The following DNAH9 variants were observed in gnomAD, a reference collection of about 807,000 sequenced individuals.
DNAH9 encodes the protein dynein axonemal heavy chain 9.
Under a neutral mutation model 471.6 loss-of-function variants are expected in DNAH9, and 345 were observed. The ratio of observed to expected loss-of-function variants is 0.73; its 90% CI spans 0.67 to 0.80. The LOEUF (loss-of-function observed/expected upper bound fraction) is 0.80, where lower values mean the gene tolerates loss of function less well. DNAH9 is among the 30% of genes least tolerant of loss of function. The pLI is 0.00. For synonymous variants in DNAH9, 2,093 were observed against 2,123.6 expected (o/e 0.99, Z 0.40); for missense variants, 5,407 against 5,609.2 (o/e 0.96, Z 1.15).
intron 14 of DNAH9, among the ~76,000 whole-genome samples, chr17:11,656,962 A>G (rs1463661558): frequency 7.5e-6 from 1 of 133,738 alleles, no homozygotes; most frequent in African/African-American, 2.7e-5. Flanking sequence ...GTATGAATAT[A>G]ACAGAATTCA....
At chr17:11,898,085 G>A (rs557378405) in intron 59 of DNAH9, among the ~76,000 whole-genome samples, 1 of 151,598 alleles carries the variant, frequency 6.6e-6, no homozygotes, top group African/African-American at 2.4e-5. Context: ...GCTGTCTTCT[G>A]TGTCCCTCTG....
intron 27 of DNAH9, among the ~76,000 whole-genome samples, chr17:11,722,016 G>A (rs2075068722): frequency 6.6e-6 from 1 of 152,110 alleles, no homozygotes; most frequent in Non-Finnish European, 1.5e-5. Flanking sequence ...TCTATGTGTG[G>A]CCAATATCTG....
chr17:11,611,429 C>T (rs2150641753), intron 3 of DNAH9, among the ~76,000 whole-genome samples: 1 of 152,352 alleles, frequency 6.6e-6, no homozygotes, highest in South Asian at 2.1e-4. Context: ...ATGGTCACAG[C>T]AGTGTTTCCT....
chr17:11,857,084 T>C (rs746248397), intron 50 of DNAH9, among the ~76,000 whole-genome samples: 3 of 152,150 alleles, frequency 2.0e-5, no homozygotes, highest in Non-Finnish European at 4.4e-5. Context: ...TTTCAGTCTC[T>C]TCCAGAAAAT....
At chr17:11,766,840 G>T (rs963452475) in intron 36 of DNAH9, among the ~76,000 whole-genome samples, 1 of 152,000 alleles carries the variant, frequency 6.6e-6, no homozygotes, top group Non-Finnish European at 1.5e-5. Flanking sequence ...CATGGTGGCG[G>T]GTGCCTGTAA....
At chr17:11,672,885 CACTT>C (rs1368925588) in intron 17 of DNAH9, among the ~76,000 whole-genome samples, 1 of 152,198 alleles carries the variant, frequency 6.6e-6, no homozygotes, top group Non-Finnish European at 1.5e-5. Flanking sequence ...CTTTCCACCT[CACTT>C]ACTTGGCAAC....
rs534989147 is a variant in DNAH9 at position 11,623,652 on chromosome 17, C to T, written c.1350+3871C>T. The stretch of plus-strand genomic sequence containing the variant: ...TTCTGTGTATCTCTGTGATCGATGC[C>T]TGATTGAAATGGGATTAATCTGCTC... On this transcript the variant is annotated intron_variant, in intron 6 of 68. Transcript: ENST00000262442. This position sits in a 1 kb window ranked among gnomAD's most constrained non-coding sequence, Gnocchi z 4.1. Among the ~76,000 whole-genome samples, 1 of 152,214 alleles carries T rather than the reference C, an allele frequency of 6.6e-6. No homozygotes were observed. Among genetic ancestry groups the T allele is most frequent in the East Asian group, 1.9e-4 (1 of 5,176 alleles).
At chr17:11,818,153 G>A (rs768507796) in intron 45 of DNAH9, among the ~76,000 whole-genome samples, 21 of 152,186 alleles carry the variant, frequency 1.4e-4, no homozygotes, top group Non-Finnish European at 2.5e-4. Flanking sequence ...GGGATGGGCC[G>A]GGCGTGGTGG....
chr17:11,600,025 A>G (rs1045775846), intron 1 of DNAH9, among the ~76,000 whole-genome samples: 13 of 152,138 alleles, frequency 8.5e-5, no homozygotes, highest in African/African-American at 3.1e-4. Flanking sequence ...AGCCCTTTAG[A>G]TGGTGTATCA....
chr17:11,709,880 T>A (rs2074800873), intron 26 of DNAH9, among the ~76,000 whole-genome samples: 1 of 152,134 alleles, frequency 6.6e-6, no homozygotes, highest in Non-Finnish European at 1.5e-5. Flanking sequence ...CCTTAATTTC[T>A]CAGGAACTCC....
chr17:11,936,342 A>T (rs1250806727), intron 65 of DNAH9, among the ~76,000 whole-genome samples: 1 of 152,204 alleles, frequency 6.6e-6, no homozygotes, highest in Non-Finnish European at 1.5e-5. Flanking sequence ...CGCTCAAAAC[A>T]TTCAGAGCCA....
At chr17:11,922,415 CTTTT>C (rs1478701044) in intron 61 of DNAH9, among the ~76,000 whole-genome samples, 1 of 151,886 alleles carries the variant, frequency 6.6e-6, no homozygotes, top group Non-Finnish European at 1.5e-5. Flanking sequence ...TTTTATGATC[CTTTT>C]ATCTAAAGAA....
At chr17:11,706,941 G>A (rs190394832) in intron 26 of DNAH9, among the ~76,000 whole-genome samples, 1 of 152,210 alleles carries the variant, frequency 6.6e-6, no homozygotes, top group Admixed American at 6.5e-5. Context: ...AGAATATAAA[G>A]TATGAAGAAT....
At chr17:11,925,082 T>C (rs1974274393) in intron 62 of DNAH9, 1 of 420,932 alleles carries the variant, frequency 2.4e-6, no homozygotes, top group South Asian at 1.7e-5. Flanking sequence ...CTAGAACATT[T>C]TGAAATCTTC....
rs1445367358 is a variant in DNAH9 at position 11,669,908 on chromosome 17, G to C, written c.3353+114G>C. ...GTATGTTGGTTAAATTAAAGATTAA[G>C]ACAGCTGGTTAGAGGTTCTAGGCTT... On this transcript the variant is annotated intron_variant, in intron 17 of 68. Coordinates refer to ENST00000262442, the MANE Select transcript of DNAH9 (RefSeq NM_001372.4). 4 of 921,698 alleles carry C rather than the reference G, an allele frequency of 4.3e-6. No individual in the cohort carries two copies. The Admixed American group carries it at 6.8e-5, about 16-fold the overall frequency. The allele number at this position is 921,698 out of a possible 1,614,324, so 57.1% of individuals were successfully genotyped here.
At chr17:11,877,859 C>T (rs980160298) in intron 53 of DNAH9, among the ~76,000 whole-genome samples, 1 of 152,164 alleles carries the variant, frequency 6.6e-6, no homozygotes, top group Non-Finnish European at 1.5e-5. Flanking sequence ...CTCAGCCTTC[C>T]GAGTAGCTGG....
At chr17:11,720,525 T>A (rs1245167436) in intron 27 of DNAH9, among the ~76,000 whole-genome samples, 1 of 152,220 alleles carries the variant, frequency 6.6e-6, no homozygotes, top group South Asian at 2.1e-4. Flanking sequence ...GTCAGCAGGA[T>A]GACATGCAAA....
At chr17:11,899,152 AATAAGTAT>A (rs536062205) in intron 59 of DNAH9, among the ~76,000 whole-genome samples, 1 of 150,680 alleles carries the variant, frequency 6.6e-6, no homozygotes, top group South Asian at 2.1e-4. Context: ...AAAGAAACAA[AATAAGTAT>A]AATTGAATAG....
chr17:11,664,043 G>A (rs764633718), intron 14 of DNAH9, among the ~76,000 whole-genome samples: 66 of 152,158 alleles, frequency 4.3e-4, no homozygotes, highest in Non-Finnish European at 7.3e-4. Flanking sequence ...GAAAAGTTAC[G>A]TCTGCAAGTT....
Sources: allele counts gnomAD v4.1 joint callset (sites outside exome capture counted in the v4.1 genomes callset), GRCh38; gene constraint gnomAD v4.1.1; non-coding constraint Gnocchi (gnomAD v3.1); transcripts MANE v1.5; gene names NCBI Gene and HGNC (gene_info 2026-07-23, HGNC 2026-07-21).